Variants in ADARB2 observed in about 807,000 individuals in gnomAD.
ADARB2 encodes the protein adenosine deaminase RNA specific B2 (inactive).
In ADARB2, 25 loss-of-function variants were observed where a neutral mutation model predicts 62.2. That is an observed-to-expected ratio of 0.40 (90% CI 0.29 to 0.56). The LOEUF (loss-of-function observed/expected upper bound fraction) is 0.56, where lower values mean the gene tolerates loss of function less well. ADARB2 is among the 20% of genes least tolerant of loss of function. The pLI is 0.43. For synonymous variants in ADARB2, 572 were observed against 500.8 expected (o/e 1.14, Z -1.90); for missense variants, 1,071 against 1,077.4 (o/e 0.99, Z 0.08).
intron 1 of ADARB2, among the ~76,000 whole-genome samples, chr10:1,424,199 T>C (rs1455376357): frequency 6.6e-6 from 1 of 152,226 alleles, no homozygotes; most frequent in Non-Finnish European, 1.5e-5. Flanking sequence ...CCATTATGTA[T>C]GTAGTAGGTC....
chr10:1,423,670 C>T (rs1204286462), intron 1 of ADARB2, among the ~76,000 whole-genome samples: 1 of 151,834 alleles, frequency 6.6e-6, no homozygotes, highest in Admixed American at 6.6e-5. Flanking sequence ...GCAGTAGGTC[C>T]ACTATGTATG....
chr10:1,182,770 A>C lies in ADARB2; in HGVS notation c.*423T>G, dbSNP rs933154243. On this transcript the variant is annotated 3_prime_UTR_variant, in exon 10 of 10. Transcript: ENST00000381312. ...TTCTCTTCATTTGTGGCTTATCTTC[A>C]TGTGCCCCCTCAAGCTAGTGAGACC... 6.2e-6 allele frequency: 1 copy of C among 162,368 alleles called. No individual in the cohort carries two copies. Among genetic ancestry groups the C allele is most frequent in the Non-Finnish European group, 1.3e-5 (1 of 75,146 alleles). The allele number at this position is 162,368 out of a possible 1,614,324, so 10.1% of individuals were successfully genotyped here. A position where few individuals can be genotyped will look rare whatever the true frequency, so the allele number is the denominator to read the frequency against.
chr10:1,524,896 T>C (rs1832121175), intron 1 of ADARB2, among the ~76,000 whole-genome samples: 2 of 152,084 alleles, frequency 1.3e-5, no homozygotes, highest in Admixed American at 1.3e-4. Context: ...ACACAGAAAA[T>C]AGTCAGGATA....
At chr10:1,241,215 T>G (rs1314710717) in intron 5 of ADARB2, among the ~76,000 whole-genome samples, 2 of 151,660 alleles carry the variant, frequency 1.3e-5, no homozygotes, top group African/African-American at 4.9e-5. Flanking sequence ...GCCAAGATAA[T>G]GCCATTGCAC....
chr10:1,466,488 G>A (rs952483629), intron 1 of ADARB2, among the ~76,000 whole-genome samples: 6 of 152,174 alleles, frequency 3.9e-5, no homozygotes, highest in Non-Finnish European at 7.3e-5. Context: ...TGCGACGGCC[G>A]CACACATGGT....
rs548619302 is a variant in ADARB2, at chr10:1,669,855, GAC to G, written c.100+67194_100+67195del. On this transcript the variant is annotated intron_variant, in intron 1 of 9. Coordinates refer to ENST00000381312, the MANE Select transcript of ADARB2 (RefSeq NM_018702.4). ...ACACACAAACAGACACACTCATAGA[GAC>G]ACACAGACACAAATACACACAGACA... 1.4e-3 allele frequency among the ~76,000 whole-genome samples: 206 copies of G among 146,830 alleles called. 2 individuals carry two copies. The highest frequency in any genetic ancestry group is 4.9e-3 in the African/African-American group (195 of 39,568).
chr10:1,371,624 C>CA (rs974279045), intron 2 of ADARB2, among the ~76,000 whole-genome samples: 26 of 151,844 alleles, frequency 1.7e-4, no homozygotes, highest in African/African-American at 5.6e-4. Context: ...AACAACTCCA[C>CA]AAAAAATTGG....
intron 3 of ADARB2, chr10:1,291,219 A>AT (rs1166401344): frequency 6.6e-6 from 1 of 152,246 alleles, no homozygotes; most frequent in Non-Finnish European, 1.5e-5. Context: ...AGGGAGGCTG[A>AT]TGTTACACAG....
chr10:1,208,599 A>G (rs1837101820), intron 7 of ADARB2, among the ~76,000 whole-genome samples: 1 of 152,038 alleles, frequency 6.6e-6, no homozygotes, highest in Non-Finnish European at 1.5e-5. Flanking sequence ...GGGACATGGG[A>G]CTCTAGAGCG....
At position 1,474,081 on chromosome 10, in the gene ADARB2, G is replaced by A. The variant is rs147729057; in HGVS notation, c.101-94921C>T. Reference sequence around the variant, plus strand: ...CCTTGCTGAGCCCCCATCCCACTGAGCACCTGCTCTTCGGTTGCTGGCATC... The same window carrying A: ...CCTTGCTGAGCCCCCATCCCACTGAACACCTGCTCTTCGGTTGCTGGCATC... On this transcript the variant is annotated intron_variant, in intron 1 of 9. Transcript: ENST00000381312. Among the ~76,000 whole-genome samples, 1,404 of 152,162 alleles carry A rather than the reference G, an allele frequency of 9.2e-3. 19 individuals are homozygous for A. Among genetic ancestry groups the A allele is most frequent in the African/African-American group, 0.032 (1,328 of 41,430 alleles).
At chr10:1,649,276 C>T (rs1021570859) in intron 1 of ADARB2, among the ~76,000 whole-genome samples, 5 of 152,170 alleles carry the variant, frequency 3.3e-5, no homozygotes, top group African/African-American at 1.2e-4. Context: ...GGTTTGAAAT[C>T]GTATCATAAA....
chr10:1,218,024 CTCTT>C (rs1185484636), intron 6 of ADARB2, among the ~76,000 whole-genome samples: 3 of 150,796 alleles, frequency 2.0e-5, no homozygotes, highest in Non-Finnish European at 3.0e-5. Flanking sequence ...ATTTATGTTT[CTCTT>C]TCTTTGAAAA....
intron 1 of ADARB2, among the ~76,000 whole-genome samples, chr10:1,401,125 C>T (rs1011756625): frequency 2.6e-5 from 4 of 152,096 alleles, no homozygotes; most frequent in Non-Finnish European, 5.9e-5. Flanking sequence ...TTGTGTGTCC[C>T]GGCAGCCACA....
chr10:1,599,343 C>T (rs1034529209), intron 1 of ADARB2, among the ~76,000 whole-genome samples: 4 of 152,206 alleles, frequency 2.6e-5, no homozygotes, highest in Non-Finnish European at 5.9e-5. Flanking sequence ...GAAATTCATA[C>T]AAGAACTGTA....
intron 3 of ADARB2, among the ~76,000 whole-genome samples, chr10:1,359,317 GGT>G (rs1418565967): frequency 1.3e-5 from 2 of 152,140 alleles, no homozygotes; most frequent in Non-Finnish European, 2.9e-5. Context: ...GTTTAGGTCT[GGT>G]GTGAGTTCTA....
chr10:1,642,904 A>C (rs111535877), intron 1 of ADARB2, among the ~76,000 whole-genome samples: 2,260 of 152,314 alleles, frequency 0.015, 39 homozygotes, highest in African/African-American at 0.042. Flanking sequence ...CGGCCTGCAC[A>C]CTGACCCCTC....
At chr10:1,689,479 T>C (rs1470116900) in intron 1 of ADARB2, among the ~76,000 whole-genome samples, 1 of 152,200 alleles carries the variant, frequency 6.6e-6, no homozygotes, top group African/African-American at 2.4e-5. Context: ...TGTCTGTGTG[T>C]CCCTCTCTGG....
chr10:1,281,142 G>A (rs1831367484), intron 3 of ADARB2, among the ~76,000 whole-genome samples: 1 of 152,218 alleles, frequency 6.6e-6, no homozygotes, highest in African/African-American at 2.4e-5. Flanking sequence ...ACTCATGATT[G>A]ATTTGACATG....
intron 1 of ADARB2, among the ~76,000 whole-genome samples, chr10:1,393,673 C>T (rs904080989): frequency 7.2e-5 from 11 of 152,166 alleles, no homozygotes; most frequent in African/African-American, 1.4e-4. Context: ...CCAGGCCACG[C>T]GTTATGCACC....
Sources: allele counts gnomAD v4.1 joint callset (sites outside exome capture counted in the v4.1 genomes callset), GRCh38; gene constraint gnomAD v4.1.1; transcripts MANE v1.5; gene names NCBI Gene and HGNC (gene_info 2026-07-23, HGNC 2026-07-21).